The following LRP2 variants were observed in gnomAD, a reference collection of about 807,000 sequenced individuals.
LRP2 encodes LDL receptor related protein 2.
In LRP2, 172 loss-of-function variants were observed where a neutral mutation model predicts 531.0. The observed-to-expected ratio is 0.32, with a 90% CI of 0.29 to 0.37. The LOEUF is 0.37. LRP2 is among the 10% of genes least tolerant of loss of function. The probability of loss-of-function intolerance (pLI) is 1.00; values close to 1 mark genes in which losing one functional copy is unlikely to be tolerated. For synonymous variants in LRP2, 1,992 were observed against 2,027.6 expected, an observed-to-expected ratio of 0.98 and a Z score of 0.47; for missense variants, 5,167 against 5,868.3, an observed-to-expected ratio of 0.88 and a Z score of 3.90.
intron 1 of LRP2, among the ~76,000 whole-genome samples, chr2:169,336,507 C>T (rs1038907635): frequency 4.0e-5 from 6 of 151,508 alleles, no homozygotes; most frequent in South Asian, 2.1e-4. Flanking sequence ...ACTACTACAC[C>T]CCAGCCTGGG....
intron 75 of LRP2, among the ~76,000 whole-genome samples, chr2:169,138,087 AG>A (rs1318647282): frequency 3.3e-5 from 5 of 152,202 alleles, no homozygotes; most frequent in Non-Finnish European, 4.4e-5. Context: ...AGAGATATCA[AG>A]CTCCATGTCT....
intron 64 of LRP2, 74 bp from the exon 65 acceptor site, chr2:169,156,479 C>T (rs1357949645): frequency 6.4e-7 from 1 of 1,561,924 alleles, no homozygotes; most frequent in Non-Finnish European, 8.8e-7. Flanking sequence ...TCTGTTTAAA[C>T]CCATATTCAC....
chr2:169,159,953 T>C (rs893431426), intron 63 of LRP2, among the ~76,000 whole-genome samples: 1 of 152,188 alleles, frequency 6.6e-6, no homozygotes, highest in Admixed American at 6.5e-5. Flanking sequence ...CACACGACAC[T>C]GTAGGATTCT....
chr2:169,271,715 T>C (rs534969014), intron 15 of LRP2: 2 of 984,108 alleles, frequency 2.0e-6, no homozygotes, highest in African/African-American at 1.8e-5. Flanking sequence ...AGCTGAACTC[T>C]ATAGTAATTC....
At chr2:169,155,884 C>G (rs1686311638) in intron 65 of LRP2, among the ~76,000 whole-genome samples, 1 of 152,156 alleles carries the variant, frequency 6.6e-6, no homozygotes, top group South Asian at 2.1e-4. Context: ...GGAGTGGGAG[C>G]TAGAGGGCCT....
chr2:169,294,102 C>T (rs377432838), intron 6 of LRP2, 46 bp downstream of exon 6: 8 of 1,379,180 alleles, frequency 5.8e-6, no homozygotes, highest in Non-Finnish European at 8.3e-6. Flanking sequence ...CGAAACAAAA[C>T]AAAACACTCC....
In LRP2 at chr2:169,178,988, T is replaced by G. The variant is rs190142532; in HGVS notation, c.10170-962A>C. 9.9e-3 allele frequency among the ~76,000 whole-genome samples: 1,252 copies of G among 126,754 alleles called. 10 individuals carry two copies. Among genetic ancestry groups the G allele is most frequent in the African/African-American group, 0.031 (1,028 of 33,034 alleles). The allele number at this position is 126,754 out of a possible 152,430, so 83.2% of individuals were successfully genotyped here. A position where few individuals can be genotyped will look rare whatever the true frequency, so the allele number is the denominator to read the frequency against. On this transcript the variant is annotated intron_variant, in intron 52 of 78. Transcript: ENST00000649046. The stretch of plus-strand genomic sequence containing the variant: ...ACCAGAAATTAGTCACCATCTGATT[T>G]ATTTATTTATTTATTTATTTATTTA...
rs118184218 is a variant in LRP2, at chr2:169,342,635, G to A, written c.79+19686C>T. 4.5e-4 allele frequency among the ~76,000 whole-genome samples: 68 copies of A among 152,180 alleles called. No individual in the cohort carries two copies. The East Asian group carries it at 0.012, about 26-fold the overall frequency. ...ACTCAGTTCAAATGGCAATCTGTGCGGTCTTCCTTGGCCCTTGGTCCTCTC... is the reference window on the plus strand; with the variant it reads ...ACTCAGTTCAAATGGCAATCTGTGCAGTCTTCCTTGGCCCTTGGTCCTCTC... On this transcript the variant is annotated intron_variant, in intron 1 of 78. Transcript: ENST00000649046.
chr2:169,148,769 G>A (rs776738399), intron 68 of LRP2, among the ~76,000 whole-genome samples: 15 of 152,224 alleles, frequency 9.9e-5, no homozygotes, highest in East Asian at 7.7e-4. Flanking sequence ...CCATGACTTC[G>A]TTTATGCTAT....
intron 9 of LRP2, among the ~76,000 whole-genome samples, chr2:169,284,575 G>A (rs746899921): frequency 6.6e-6 from 1 of 151,908 alleles, no homozygotes; most frequent in Non-Finnish European, 1.5e-5. Context: ...CCCCAAGAAG[G>A]CTCTTCTAAT....
At chr2:169,224,322 A>C (rs1689124614) in intron 33 of LRP2, among the ~76,000 whole-genome samples, 1 of 152,216 alleles carries the variant, frequency 6.6e-6, no homozygotes, top group Admixed American at 6.5e-5. Context: ...GTGAATTAAT[A>C]ATCCCTTCCA....
intron 13 of LRP2, among the ~76,000 whole-genome samples, chr2:169,275,907 G>A (rs1267405410): frequency 1.3e-5 from 2 of 151,866 alleles, no homozygotes; most frequent in Non-Finnish European, 2.9e-5. Flanking sequence ...AATCAACAAC[G>A]CCCCCCGTGA....
intron 54 of LRP2, 60 bp from the exon 55 acceptor site, chr2:169,175,449 G>T: frequency 6.6e-7 from 1 of 1,513,284 alleles, no homozygotes; most frequent in African/African-American, 1.4e-5. Context: ...GTTATCTGGA[G>T]AGAAGAAGTC....
intron 7 of LRP2, 32 bp downstream of exon 7, chr2:169,292,221 G>A (rs753500229): frequency 4.1e-6 from 6 of 1,449,690 alleles, no homozygotes. Flanking sequence ...TGAAGAAAAT[G>A]CTTTTCAGTA....
At chr2:169,308,259 A>G (rs1468803188) in intron 3 of LRP2, among the ~76,000 whole-genome samples, 1 of 152,062 alleles carries the variant, frequency 6.6e-6, no homozygotes, top group Non-Finnish European at 1.5e-5. Flanking sequence ...GTTCTGGGGT[A>G]CATGTGCACA....
At chr2:169,335,852 A>G (rs1685388576) in intron 1 of LRP2, among the ~76,000 whole-genome samples, 1 of 151,854 alleles carries the variant, frequency 6.6e-6, no homozygotes, top group Non-Finnish European at 1.5e-5. Flanking sequence ...CATCCCTACT[A>G]AAAATACAAA....
chr2:169,308,575 G>GTTTTTTCCT (rs1313209210), intron 3 of LRP2, among the ~76,000 whole-genome samples: 1 of 152,188 alleles, frequency 6.6e-6, no homozygotes, highest in Non-Finnish European at 1.5e-5. Flanking sequence ...CGGCTGCATA[G>GTTTTTTCCT]TATTCCATGG....
At chr2:169,226,971 T>C in intron 31 of LRP2, among the ~76,000 whole-genome samples, 1 of 151,562 alleles carries the variant, frequency 6.6e-6, no homozygotes, top group East Asian at 1.9e-4. Flanking sequence ...GAGAGTTGAG[T>C]TTTGAAAAAA....
At chr2:169,129,134 TG>T (rs766519175) in intron 77 of LRP2, 50 bp from the exon 78 acceptor site, 1 of 1,312,496 alleles carries the variant, frequency 7.6e-7, no homozygotes, top group African/African-American at 1.5e-5. Flanking sequence ...AATTATTTTG[TG>T]GGTTTCTTTT....
Sources: allele counts gnomAD v4.1 joint callset (sites outside exome capture counted in the v4.1 genomes callset), GRCh38; gene constraint gnomAD v4.1.1; transcripts MANE v1.5; gene names NCBI Gene and HGNC (gene_info 2026-07-23, HGNC 2026-07-21).